Variants in PLCB1 observed in about 807,000 individuals in gnomAD.
PLCB1 encodes the protein 1-phosphatidylinositol 4,5-bisphosphate phosphodiesterase beta-1.
PLCB1 carries 46 observed loss-of-function variants against 161.8 expected under a neutral mutation model. The ratio of observed to expected loss-of-function variants is 0.28; its 90% confidence interval spans 0.22 to 0.36. The LOEUF (loss-of-function observed/expected upper bound fraction) is 0.36. Ranked by LOEUF, PLCB1 falls within the 10% of genes least tolerant of loss-of-function variation. The probability of loss-of-function intolerance (pLI) is 1.00; values close to 1 mark genes in which losing one functional copy is unlikely to be tolerated. For missense variants in PLCB1, 1,016 were observed against 1,472.5 expected, an observed-to-expected ratio of 0.69 and a Z score of 5.07; for synonymous variants, 517 against 503.7, an observed-to-expected ratio of 1.03 and a Z score of -0.35.
Position 8,657,779 on chromosome 20 carries a change from A to C in PLCB1, c.695+495A>C, listed in dbSNP as rs543627558. Among the ~76,000 whole-genome samples the C allele has an allele frequency of 9.9e-5, 15 of 152,280 alleles. No individual in the cohort carries two copies. In the East Asian group the frequency reaches 2.9e-3, roughly 29 times the overall value. On this transcript the variant is annotated intron_variant, in intron 8 of 31. Coordinates refer to ENST00000338037, the MANE Select transcript of PLCB1 (RefSeq NM_015192.4). ...TGAAAGATTAGAAGAAAAAAGGAAA[A>C]AAAAGAAAGAAACCAAAGCACTAAG... is the stretch of plus-strand genomic sequence containing the variant.
chr20:8,568,751 C>T (rs1322598642), intron 3 of PLCB1, among the ~76,000 whole-genome samples: 3 of 151,984 alleles, frequency 2.0e-5, no homozygotes, highest in African/African-American at 7.2e-5. Context: ...AAGTAAATCT[C>T]ATTTGATGGC....
intron 3 of PLCB1, among the ~76,000 whole-genome samples, chr20:8,522,606 C>T (rs751686421): frequency 1.4e-4 from 22 of 152,122 alleles, no homozygotes; most frequent in Non-Finnish European, 2.6e-4. Flanking sequence ...AACAATGAAA[C>T]AGTCTCCTGT....
At chr20:8,811,626 T>C (rs567275995) in intron 31 of PLCB1, among the ~76,000 whole-genome samples, 1 of 152,338 alleles carries the variant, frequency 6.6e-6, no homozygotes, top group Non-Finnish European at 1.5e-5. Context: ...GCATATATTA[T>C]TCAGAACAAT....
chr20:8,142,957 T>G (rs2051418908), intron 1 of PLCB1, among the ~76,000 whole-genome samples: 1 of 152,198 alleles, frequency 6.6e-6, no homozygotes, highest in Non-Finnish European at 1.5e-5. Flanking sequence ...ACCTTCTGCA[T>G]TTATATTTTG....
At chr20:8,644,756 G>A (rs1342172690) in intron 4 of PLCB1, among the ~76,000 whole-genome samples, 4 of 151,798 alleles carry the variant, frequency 2.6e-5, no homozygotes. Context: ...GGTGAGGGGC[G>A]CCTCTGCCCG....
chr20:8,309,169 A>G (rs1276988792), intron 2 of PLCB1, among the ~76,000 whole-genome samples: 2 of 152,186 alleles, frequency 1.3e-5, no homozygotes, highest in Non-Finnish European at 2.9e-5. Context: ...TAGGTTGCCC[A>G]TGGCTTTCTT....
At chr20:8,687,485 T>C (rs1365271768) in intron 10 of PLCB1, among the ~76,000 whole-genome samples, 1 of 152,146 alleles carries the variant, frequency 6.6e-6, no homozygotes, top group African/African-American at 2.4e-5. Context: ...TTGTCTTTTA[T>C]CCCTCACCCC....
At chr20:8,238,983 A>ACT (rs1380105749) in intron 2 of PLCB1, among the ~76,000 whole-genome samples, 1 of 151,860 alleles carries the variant, frequency 6.6e-6, no homozygotes, top group Non-Finnish European at 1.5e-5. Flanking sequence ...ATTTAGGGAG[A>ACT]CTAGAGCATG....
chr20:8,232,879 C>G (rs1296758300), intron 2 of PLCB1, among the ~76,000 whole-genome samples: 1 of 152,114 alleles, frequency 6.6e-6, no homozygotes, highest in Non-Finnish European at 1.5e-5. Context: ...TGGTCCAATA[C>G]CCTTCTAGCA....
rs957962849 is a variant in PLCB1, at chr20:8,659,568, A to G, written c.862+864A>G. 2.6e-5 allele frequency among the ~76,000 whole-genome samples: 4 copies of G among 152,332 alleles called. No homozygotes were observed. In the East Asian group the frequency reaches 7.7e-4, roughly 29 times the overall value. On this transcript the variant is annotated intron_variant, in intron 9 of 31. Transcript: ENST00000338037. ...ATATTAATATGCAGGCATTTTCTAA[A>G]GTAACAGAAATAGCTCTAGCAAGCT...
rs539719452 is a variant in PLCB1 at position 8,277,567 on chromosome 20, T to C, written c.178-93815T>C. 3.3e-5 allele frequency among the ~76,000 whole-genome samples: 5 copies of C among 152,310 alleles called. No homozygotes were observed. The South Asian group carries it at 6.2e-4, about 19-fold the overall frequency. On this transcript the variant is annotated intron_variant, in intron 2 of 31. Transcript: ENST00000338037. ...GTTTTGACACTAAGTTTGTTATAAGTGCAGAATCTCAGACTCCAACCCCAA... is the reference window on the plus strand; with the variant it reads ...GTTTTGACACTAAGTTTGTTATAAGCGCAGAATCTCAGACTCCAACCCCAA...
At chr20:8,713,172 G>A (rs533816612) in intron 12 of PLCB1, among the ~76,000 whole-genome samples, 6 of 152,138 alleles carry the variant, frequency 3.9e-5, no homozygotes, top group Middle Eastern at 3.4e-3. Context: ...TTGATTCTGA[G>A]GCAGGTTTTG....
intron 4 of PLCB1, among the ~76,000 whole-genome samples, chr20:8,640,075 T>A (rs1988897324): frequency 1.3e-5 from 2 of 152,162 alleles, no homozygotes; most frequent in Non-Finnish European, 2.9e-5. Context: ...AGAATCTAGC[T>A]TGCAAAAAGG....
intron 14 of PLCB1, among the ~76,000 whole-genome samples, chr20:8,720,110 G>A (rs142417875): frequency 4.4e-4 from 67 of 152,256 alleles, no homozygotes; most frequent in African/African-American, 1.5e-3. Context: ...ATCATTAACA[G>A]GCCTTTCATT....
intron 1 of PLCB1, among the ~76,000 whole-genome samples, chr20:8,146,007 T>C (rs953694115): frequency 6.6e-6 from 1 of 152,054 alleles, no homozygotes; most frequent in African/African-American, 2.4e-5. Context: ...AGCACCAGTA[T>C]AGGGCATCCA....
intron 2 of PLCB1, among the ~76,000 whole-genome samples, chr20:8,340,676 G>T (rs1230982947): frequency 6.6e-6 from 1 of 151,888 alleles, no homozygotes; most frequent in Non-Finnish European, 1.5e-5. Context: ...CGCCCGCCTC[G>T]GCCTCCCAAA....
chr20:8,243,710 C>T (rs1284113738), intron 2 of PLCB1, among the ~76,000 whole-genome samples: 1 of 151,904 alleles, frequency 6.6e-6, no homozygotes, highest in African/African-American at 2.4e-5. Flanking sequence ...TGTAACTTGG[C>T]TATGGAATCA....
intron 3 of PLCB1, among the ~76,000 whole-genome samples, chr20:8,571,452 A>G (rs892886107): frequency 6.6e-6 from 1 of 152,194 alleles, no homozygotes; most frequent in Non-Finnish European, 1.5e-5. Flanking sequence ...ACTGCATTCC[A>G]GCCGGGGTGA....
chr20:8,364,736 G>A (rs552886826), intron 2 of PLCB1, among the ~76,000 whole-genome samples: 1 of 152,190 alleles, frequency 6.6e-6, no homozygotes, highest in Non-Finnish European at 1.5e-5. Context: ...ACACCAAGTG[G>A]TGAAACCCCA....
Sources: gnomAD v4.1 joint callset for allele counts (sites outside exome capture counted in the v4.1 genomes callset) on GRCh38, gnomAD v4.1.1 for gene constraint, MANE v1.5 for transcripts, NCBI Gene and HGNC (gene_info 2026-07-23, HGNC 2026-07-21) for gene names.